The following MID2 variants were observed in gnomAD, a reference collection of about 807,000 sequenced individuals.
MID2 encodes the protein probable E3 ubiquitin-protein ligase MID2.
A neutral mutation model predicts 46.1 loss-of-function variants in MID2; 13 were observed. That is an observed-to-expected ratio of 0.28 (90% CI 0.18 to 0.45). The LOEUF is 0.45. Ranked by LOEUF, MID2 falls within the 20% of genes least tolerant of loss-of-function variation. MID2 has a pLI of 1.00. For synonymous variants in MID2, 199 were observed against 212.3 expected, an observed-to-expected ratio of 0.94 and a Z score of 0.55; for missense variants, 431 against 575.4, an observed-to-expected ratio of 0.75 and a Z score of 2.57.
intron 3 of MID2, among the ~76,000 whole-genome samples, chrX:107,893,267 T>C (rs2473632): frequency 8.9e-6 from 1 of 112,871 alleles, no homozygotes; most frequent in Admixed American, 9.4e-5. Context: ...TCTCACTTCG[T>C]GTAAAAAACA....
At chrX:107,901,458 A>G (rs1200686666) in intron 3 of MID2, among the ~76,000 whole-genome samples, 4 of 111,852 alleles carry the variant, frequency 3.6e-5, no homozygotes, top group Non-Finnish European at 7.5e-5. Context: ...AGACTTACTG[A>G]GTTTAGGGTA....
intron 3 of MID2, among the ~76,000 whole-genome samples, chrX:107,876,888 A>G (rs138338804): frequency 0.022 from 2,464 of 111,738 alleles, 60 homozygotes; most frequent in African/African-American, 0.076. Context: ...CTGGGGTCAA[A>G]TTCACCAGGC....
At chrX:107,875,085 G>A (rs781245877) in intron 3 of MID2, among the ~76,000 whole-genome samples, 6 of 111,711 alleles carry the variant, frequency 5.4e-5, no homozygotes, top group Non-Finnish European at 9.4e-5. Context: ...AAACAAGTGA[G>A]GGCTGTCTCA....
intron 1 of MID2, among the ~76,000 whole-genome samples, chrX:107,831,561 A>T (rs1253260470): frequency 8.9e-6 from 1 of 112,021 alleles, no homozygotes; most frequent in Non-Finnish European, 1.9e-5. Flanking sequence ...TGTTGCTAGG[A>T]TCCATGTGGT....
intron 3 of MID2, among the ~76,000 whole-genome samples, chrX:107,883,869 G>A (rs909677126): frequency 1.8e-5 from 2 of 112,277 alleles, no homozygotes; most frequent in African/African-American, 6.5e-5. Flanking sequence ...CTGGTGCTGA[G>A]GATGTGAGAT....
intron 1 of MID2, among the ~76,000 whole-genome samples, chrX:107,830,603 T>G (rs1003881360): frequency 8.9e-6 from 1 of 111,986 alleles, no homozygotes; most frequent in African/African-American, 3.2e-5. Flanking sequence ...TAAATGAAAT[T>G]TTGGTACCAA....
intron 1 of MID2, among the ~76,000 whole-genome samples, chrX:107,831,941 C>A (rs376341178): frequency 8.9e-6 from 1 of 111,970 alleles, no homozygotes; most frequent in East Asian, 2.8e-4. Flanking sequence ...TCATGTGTTA[C>A]CTTGGCAAAT....
chrX:107,852,702 G>A (rs184241054), intron 2 of MID2, among the ~76,000 whole-genome samples: 49 of 111,704 alleles, frequency 4.4e-4, no homozygotes, highest in African/African-American at 1.5e-3. Flanking sequence ...CTGCAAACAC[G>A]TGTATCTATG....
chrX:107,921,052 A>G (rs1041430183), intron 7 of MID2, among the ~76,000 whole-genome samples: 1 of 111,933 alleles, frequency 8.9e-6, no homozygotes, highest in African/African-American at 3.2e-5. Flanking sequence ...TTGACCAAAT[A>G]ATATTCTTTA....
intron 3 of MID2, among the ~76,000 whole-genome samples, chrX:107,888,526 A>G (rs1349888743): frequency 9.0e-6 from 1 of 111,680 alleles, no homozygotes; most frequent in Non-Finnish European, 1.9e-5. Flanking sequence ...ACATTTGCTG[A>G]GAAGTGCTTT....
At chrX:107,886,064 C>T (rs1306622624) in intron 3 of MID2, among the ~76,000 whole-genome samples, 1 of 111,669 alleles carries the variant, frequency 9.0e-6, no homozygotes, top group Non-Finnish European at 1.9e-5. Context: ...TTCTCCCATT[C>T]TGTAGGTGGC....
chrX:107,926,208 G>A lies in MID2; in HGVS notation c.1712G>A (p.Arg571Lys). ...CTAAAGAAGAGCCACACCCCAGAGA[G>A]GTTTAGTGGCACAGGGTGCTATGGG... ...SSLKKSHTPE[R>K]FSGTGCYGAA... Residue 571 changes from arginine to lysine, a missense_variant, in exon 9 of 10, where the codon AGG (arginine) becomes AAG (lysine). By Grantham distance (26) the Arg-to-Lys change is conservative (BLOSUM62 2). Coordinates refer to ENST00000262843, the MANE Select transcript of MID2 (RefSeq NM_012216.4). 1 of 1,209,356 alleles carries A rather than the reference G, an allele frequency of 8.3e-7. No homozygotes were observed.
chrX:107,870,457 TA>T (rs1440526917), intron 3 of MID2, among the ~76,000 whole-genome samples: 1 of 111,432 alleles, frequency 9.0e-6, no homozygotes, highest in African/African-American at 3.3e-5. Context: ...CCTGGAGCCT[TA>T]AAAAAATTAC....
In MID2 at chrX:107,841,352, C is replaced by G; in HGVS notation, c.687C>G (p.Val229=). The G allele has an allele frequency of 8.3e-7, 1 of 1,203,438 alleles. No individual in the cohort carries two copies. Among genetic ancestry groups the G allele is most frequent in the South Asian group, 1.8e-5 (1 of 55,816 alleles). The change falls in exon 2 of 10, where the codon GTC becomes GTG. Residue 229 remains valine, a synonymous_variant. Coordinates refer to ENST00000262843, the MANE Select transcript of MID2 (RefSeq NM_012216.4). ...TGGGTCGTCACCGAGACCATCAGGT[C>G]GCATCCCTGAATGATCGATTTGAGA... ...KLVGRHRDHQ[V]ASLNDRFEKL...
intron 2 of MID2, among the ~76,000 whole-genome samples, chrX:107,843,243 A>G (rs1052871812): frequency 8.9e-6 from 1 of 112,143 alleles, no homozygotes; most frequent in Non-Finnish European, 1.9e-5. Context: ...AAATATTCCA[A>G]ACAGAAAAAT....
chrX:107,918,631 G>T (rs1474511406), intron 7 of MID2, among the ~76,000 whole-genome samples: 1 of 111,095 alleles, frequency 9.0e-6, no homozygotes, highest in Non-Finnish European at 1.9e-5. Context: ...GACATTTGGG[G>T]ATCAAACTCT....
chrX:107,851,655 C>T (rs866106175), intron 2 of MID2, among the ~76,000 whole-genome samples: 3 of 107,983 alleles, frequency 2.8e-5, no homozygotes, highest in Non-Finnish European at 3.8e-5. Context: ...TCAGTGCAAA[C>T]AACAACAACA....
At chrX:107,867,445 G>T (rs1475452724) in intron 3 of MID2, among the ~76,000 whole-genome samples, 1 of 110,614 alleles carries the variant, frequency 9.0e-6, no homozygotes, top group East Asian at 2.8e-4. Flanking sequence ...ACAGGCATGA[G>T]CCACCGCGCC....
chrX:107,887,158 G>A (rs1378414517), intron 3 of MID2, among the ~76,000 whole-genome samples: 6 of 111,261 alleles, frequency 5.4e-5, no homozygotes, highest in East Asian at 2.8e-4. Context: ...TTCCAACACT[G>A]TGTTGAATAG....
Sources: gnomAD v4.1 joint callset for allele counts (sites outside exome capture counted in the v4.1 genomes callset) on GRCh38, gnomAD v4.1.1 for gene constraint, MANE v1.5 for transcripts, NCBI Gene and HGNC (gene_info 2026-07-23, HGNC 2026-07-21) for gene names.